The following NEK6 variants were observed in gnomAD, a reference collection of about 807,000 sequenced individuals.
NEK6 encodes serine/threonine-protein kinase Nek6.
In NEK6, 27 loss-of-function variants were observed where a neutral mutation model predicts 43.5. That is an observed-to-expected ratio of 0.62 (90% confidence interval 0.46 to 0.86). The LOEUF (loss-of-function observed/expected upper bound fraction) is 0.86. Ranked by LOEUF, NEK6 falls within the 40% of genes least tolerant of loss-of-function variation. The pLI is 0.00. For missense variants in NEK6, 318 were observed against 414.4 expected (o/e 0.77, Z 2.02); for synonymous variants, 167 against 164.1 (o/e 1.02, Z -0.14).
chr9:124,293,873 C>T (rs978562254), intron 1 of NEK6, among the ~76,000 whole-genome samples: 3 of 152,270 alleles, frequency 2.0e-5, no homozygotes, highest in African/African-American at 7.2e-5. Context: ...GTGTCCTCAA[C>T]AGCCCACCTT....
intron 7 of NEK6, among the ~76,000 whole-genome samples, chr9:124,331,698 C>T (rs1045508792): frequency 1.3e-5 from 2 of 152,198 alleles, no homozygotes; most frequent in African/African-American, 4.8e-5. Context: ...GCTGCCTTGC[C>T]GGGGATCACA....
chr9:124,321,398 A>T (rs1294856464), intron 4 of NEK6, 61 bp from the exon 5 acceptor site: 2 of 1,068,066 alleles, frequency 1.9e-6, no homozygotes, highest in Non-Finnish European at 2.8e-6. Context: ...GGTGGCAGGC[A>T]GGCACTGGGT....
At chr9:124,323,135 G>C (rs933288876) in intron 5 of NEK6, among the ~76,000 whole-genome samples, 4 of 152,194 alleles carry the variant, frequency 2.6e-5, no homozygotes, top group Non-Finnish European at 5.9e-5. Context: ...CTGCCCTCAG[G>C]GATCCCAGAT....
At chr9:124,291,887 G>A (rs879462551) in intron 1 of NEK6, 19 of 985,620 alleles carry the variant, frequency 1.9e-5, no homozygotes, top group Admixed American at 1.2e-4. Context: ...AGCGCATGGT[G>A]GGGGAGTTTC....
intron 5 of NEK6, among the ~76,000 whole-genome samples, chr9:124,325,696 T>A (rs554732451): frequency 6.6e-6 from 1 of 152,338 alleles, no homozygotes; most frequent in Admixed American, 6.5e-5. Context: ...CTTTAGTTTT[T>A]GTTTTCTTCC....
At chr9:124,273,569 A>G (rs578019112) in intron 1 of NEK6, among the ~76,000 whole-genome samples, 2 of 152,288 alleles carry the variant, frequency 1.3e-5, no homozygotes, top group Admixed American at 1.3e-4. Context: ...AGCATCTGGA[A>G]CAGGCAAGCC....
chr9:124,350,823 T>C lies in NEK6; in HGVS notation c.832-14T>C, dbSNP rs1830231041. The C allele has an allele frequency of 6.3e-7, 1 of 1,593,374 alleles. No homozygotes were observed. Among genetic ancestry groups the C allele is most frequent in the Non-Finnish European group, 8.6e-7 (1 of 1,162,890 alleles). ...TGCTTTCTTGAGAATAACACACCAT[T>C]CTCTCCCCTGCAGTTACGAGAACTG... On this transcript the variant is annotated splice_polypyrimidine_tract_variant and intron_variant, in intron 9 of 9. Coordinates refer to ENST00000320246, the MANE Select transcript of NEK6 (RefSeq NM_014397.6).
intron 2 of NEK6, among the ~76,000 whole-genome samples, chr9:124,303,557 G>A (rs17222478): frequency 0.14 from 20,559 of 152,248 alleles, 1,410 homozygotes; most frequent in African/African-American, 0.17. Context: ...GAGGCGACAC[G>A]TTGAGCTTAG....
rs1830333602 is a variant in NEK6 at position 124,352,837 on chromosome 9, CTG to C, written c.*1891_*1892del. On this transcript the variant is annotated 3_prime_UTR_variant, in exon 10 of 10. Transcript: ENST00000320246. ...GAGCCCCTGCCGTGTCTCCCCAACA[CTG>C]CCAGCCCCAGCACGCAATCAACCTA... 6.6e-6 allele frequency: 1 copy of C among 152,414 alleles called. No individual in the cohort carries two copies. Among genetic ancestry groups the C allele is most frequent in the East Asian group, 1.9e-4 (1 of 5,200 alleles). The allele number at this position is 152,414 out of a possible 1,614,324, so 9.4% of individuals were successfully genotyped here.
intron 1 of NEK6, chr9:124,261,024 G>A (rs578128712): frequency 6.6e-6 from 1 of 152,240 alleles, no homozygotes; most frequent in African/African-American, 2.4e-5. Flanking sequence ...AGTAACTTGG[G>A]CAGGGTCATA....
At chr9:124,300,895 G>A (rs1242768584) in intron 1 of NEK6, among the ~76,000 whole-genome samples, 1 of 152,228 alleles carries the variant, frequency 6.6e-6, no homozygotes, top group Non-Finnish European at 1.5e-5. Context: ...TGCCTAGGAT[G>A]TGGTCACATG....
chr9:124,312,194 G>C (rs893727415), intron 2 of NEK6, among the ~76,000 whole-genome samples: 1 of 152,238 alleles, frequency 6.6e-6, no homozygotes, highest in African/African-American at 2.4e-5. Context: ...GTGGTCCCAC[G>C]GAGCTAGCCC....
chr9:124,329,767 C>T (rs992443644), intron 7 of NEK6, among the ~76,000 whole-genome samples: 3 of 152,250 alleles, frequency 2.0e-5, no homozygotes, highest in Non-Finnish European at 4.4e-5. Context: ...ATCTCCAAGA[C>T]CCAGGGGAAA....
intron 7 of NEK6, 141 bp from the exon 8 acceptor site, chr9:124,339,430 C>T: frequency 1.4e-6 from 1 of 696,910 alleles, no homozygotes; most frequent in Non-Finnish European, 2.6e-6. Flanking sequence ...AAGGCCCAGG[C>T]CCAGAGAGGG....
At chr9:124,257,931 GCGCGCGGGCC>G (rs1218948746), upstream of NEK6, 1 of 975,174 alleles carries the variant, frequency 1.0e-6, no homozygotes, top group Non-Finnish European at 1.2e-6. Flanking sequence ...GGGCGCGCGG[GCGCGCGGGCC>G]CGCGCAGGCG....
chr9:124,295,424 G>A (rs1159641038), intron 1 of NEK6, among the ~76,000 whole-genome samples: 3 of 152,200 alleles, frequency 2.0e-5, no homozygotes, highest in African/African-American at 4.8e-5. Context: ...GACAAGAAGC[G>A]GGGCTGGGGC....
intron 1 of NEK6, among the ~76,000 whole-genome samples, chr9:124,284,604 A>G (rs927033038): frequency 6.6e-6 from 1 of 152,358 alleles, no homozygotes; most frequent in Admixed American, 6.5e-5. Context: ...TTAAAAAGGC[A>G]GGACTGAGGC....
At chr9:124,327,135 A>T (rs1303547729) in intron 6 of NEK6, among the ~76,000 whole-genome samples, 1 of 152,172 alleles carries the variant, frequency 6.6e-6, no homozygotes, top group Non-Finnish European at 1.5e-5. Flanking sequence ...AAGTTGGTGG[A>T]GGGAGACCCA....
chr9:124,312,559 C>A lies in NEK6; in HGVS notation c.141C>A (p.Ile47=), dbSNP rs781287662. The A allele has an allele frequency of 1.9e-6, 3 of 1,614,116 alleles. No homozygotes were observed. The highest frequency in any genetic ancestry group is 2.5e-6 in the Non-Finnish European group (3 of 1,180,004). ...SFRCSLADFQ[I]EKKIGRGQFS... ...GCTGCTCGCTGGCGGACTTCCAGAT[C>A]GAAAAGAAGATAGGCCGAGGACAGT... Residue 47 remains isoleucine (I), a synonymous_variant, in exon 3 of 10, where the codon ATC becomes ATA. Transcript: ENST00000320246.
Sources: gnomAD v4.1 joint callset for allele counts (sites outside exome capture counted in the v4.1 genomes callset) on GRCh38, gnomAD v4.1.1 for gene constraint, MANE v1.5 for transcripts, NCBI Gene and HGNC (gene_info 2026-07-23, HGNC 2026-07-21) for gene names.